Variants in MBNL1 observed in about 807,000 individuals in gnomAD.
The protein encoded by MBNL1 is muscleblind like splicing regulator 1.
A neutral mutation model predicts 42.2 loss-of-function variants in MBNL1; 8 were observed. That is an observed-to-expected ratio of 0.19 (90% CI 0.11 to 0.34). The LOEUF (loss-of-function observed/expected upper bound fraction) is 0.34. Ranked by LOEUF, MBNL1 falls within the 10% of genes least tolerant of loss-of-function variation. The probability of loss-of-function intolerance (pLI) is 1.00; values close to 1 mark genes in which losing one functional copy is unlikely to be tolerated. For synonymous variants in MBNL1, 169 were observed against 173.9 expected (o/e 0.97, Z 0.22); for missense variants, 309 against 495.3 (o/e 0.62, Z 3.57).
chr3:152,405,937 T>A (rs989850762), intron 2 of MBNL1, among the ~76,000 whole-genome samples: 3 of 152,158 alleles, frequency 2.0e-5, no homozygotes, highest in Admixed American at 6.6e-5. Flanking sequence ...GAAATCTGAT[T>A]GTTGCTGTAC....
At position 152,415,010 on chromosome 3, in the gene MBNL1, A is replaced by C; in HGVS notation, c.244A>C (p.Asn82His). Residue 82 changes from asparagine (N) to histidine (H), a missense_variant, in exon 3 of 10, where the codon AAT (asparagine) becomes CAT (histidine). Transcript: ENST00000324210. The stretch of plus-strand genomic sequence containing the variant: ...ACATTTAAAAACGCAGTTGGAGATA[A>C]ATGGACGCAATAACTTGATTCAGCA... Reference protein sequence around the residue: ...PPHLKTQLEINGRNNLIQQKN... With the variant: ...PPHLKTQLEIHGRNNLIQQKN... 1 of 1,608,938 alleles carries C rather than the reference A, an allele frequency of 6.2e-7. No individual in the cohort carries two copies.
intron 1 of MBNL1, among the ~76,000 whole-genome samples, chr3:152,291,225 G>C (rs912012284): frequency 1.3e-5 from 2 of 152,058 alleles, no homozygotes; most frequent in South Asian, 2.1e-4. Context: ...TCTTTGAATA[G>C]CATCAGAAAA....
intron 8 of MBNL1, chr3:152,457,758 C>T (rs1736607621): frequency 5.3e-6 from 1 of 188,464 alleles, no homozygotes. Context: ...TGATAAAGAA[C>T]TCTCATGCGT....
intron 2 of MBNL1, among the ~76,000 whole-genome samples, chr3:152,380,981 TA>T (rs2097157020): frequency 6.6e-6 from 1 of 152,056 alleles, no homozygotes; most frequent in South Asian, 2.1e-4. Context: ...ACACAGTTAA[TA>T]AAACAGAAGG....
intron 1 of MBNL1, among the ~76,000 whole-genome samples, chr3:152,293,731 A>G (rs2057245281): frequency 1.3e-5 from 2 of 152,196 alleles, no homozygotes; most frequent in African/African-American, 4.8e-5. Flanking sequence ...AAATTCTTCA[A>G]AATTACCAGC....
chr3:152,283,323 G>A lies in MBNL1; in HGVS notation c.-790+14231G>A, dbSNP rs568446993. 2.6e-5 allele frequency among the ~76,000 whole-genome samples: 4 copies of A among 152,180 alleles called. No homozygotes were observed. The South Asian group carries it at 6.2e-4, about 24-fold the overall frequency. ...CAAATGTTACTTTAATTTTATTTAC[G>A]TGTGATATATACCCCATCAAGCTTA... On this transcript the variant is annotated intron_variant, in intron 1 of 9. Coordinates refer to ENST00000324210, the MANE Select transcript of MBNL1 (RefSeq NM_021038.5).
At chr3:152,430,581 T>C (rs1354019251) in intron 3 of MBNL1, among the ~76,000 whole-genome samples, 3 of 152,236 alleles carry the variant, frequency 2.0e-5, no homozygotes, top group African/African-American at 7.2e-5. Flanking sequence ...AATCTGACAA[T>C]GTATAACAAA....
At chr3:152,433,457 A>G (rs969853852) in intron 4 of MBNL1, among the ~76,000 whole-genome samples, 1 of 152,174 alleles carries the variant, frequency 6.6e-6, no homozygotes, top group African/African-American at 2.4e-5. Context: ...TGCTCTCATA[A>G]AAGTTTTTTG....
chr3:152,265,554 G>A (rs1226302070), upstream of MBNL1: 1 of 152,058 alleles, frequency 6.6e-6, no homozygotes, highest in Admixed American at 6.6e-5. Flanking sequence ...ATCCCCATTG[G>A]ACTGAAAAAG....
intron 2 of MBNL1, among the ~76,000 whole-genome samples, chr3:152,303,004 G>A (rs1440694028): frequency 7.2e-6 from 1 of 139,788 alleles, no homozygotes; most frequent in Non-Finnish European, 1.5e-5. Flanking sequence ...CTAGTTAGAA[G>A]AGGAGAATTT....
intron 2 of MBNL1, among the ~76,000 whole-genome samples, chr3:152,324,784 C>T (rs2078494283): frequency 6.6e-6 from 1 of 151,974 alleles, no homozygotes; most frequent in Non-Finnish European, 1.5e-5. Flanking sequence ...CCCAAATGTC[C>T]TTATCTGTAA....
intron 3 of MBNL1, among the ~76,000 whole-genome samples, chr3:152,416,874 A>C (rs1337363583): frequency 1.3e-5 from 2 of 152,228 alleles, no homozygotes; most frequent in Non-Finnish European, 2.9e-5. Flanking sequence ...GAGAACAATC[A>C]TCACATTTTC....
intron 2 of MBNL1, among the ~76,000 whole-genome samples, chr3:152,261,114 C>T (rs1397257606): frequency 6.6e-6 from 1 of 152,114 alleles, no homozygotes; most frequent in Non-Finnish European, 1.5e-5. Flanking sequence ...AAGAAGCTGG[C>T]AACCTTGGCT....
intron 2 of MBNL1, among the ~76,000 whole-genome samples, chr3:152,316,821 T>C (rs2152285664): frequency 6.6e-6 from 1 of 152,328 alleles, no homozygotes; most frequent in Admixed American, 6.5e-5. Flanking sequence ...CAGATAGAGC[T>C]GGCTTTGCCT....
At chr3:152,369,055 G>A (rs772785199) in intron 2 of MBNL1, among the ~76,000 whole-genome samples, 8 of 152,194 alleles carry the variant, frequency 5.3e-5, no homozygotes, top group South Asian at 2.1e-4. Flanking sequence ...ATGCTGAATA[G>A]GAGTGGTAAG....
At chr3:152,300,762 T>G (rs2060401166) in intron 2 of MBNL1, 1 of 164,598 alleles carries the variant, frequency 6.1e-6, no homozygotes, top group Non-Finnish European at 1.3e-5. Context: ...GGTAAAGGCA[T>G]TGTACAGTTG....
At chr3:152,289,783 A>G (rs202044709) in intron 1 of MBNL1, among the ~76,000 whole-genome samples, 3 of 152,128 alleles carry the variant, frequency 2.0e-5, no homozygotes, top group Non-Finnish European at 2.9e-5. Flanking sequence ...TGTAGCACCT[A>G]TGTGGCTTGA....
chr3:152,447,856 T>C, intron 6 of MBNL1, 83 bp downstream of exon 6: 1 of 1,306,112 alleles, frequency 7.7e-7, no homozygotes, highest in East Asian at 2.4e-5. Flanking sequence ...ACACCCCAAG[T>C]TTGTTTGTAA....
intron 5 of MBNL1, 69 bp downstream of exon 5, chr3:152,445,608 A>G (rs1294866829): frequency 1.4e-6 from 2 of 1,477,914 alleles, no homozygotes; most frequent in Non-Finnish European, 9.1e-7. Context: ...ATATCTGACT[A>G]CAAGCTATTC....
Sources: allele counts gnomAD v4.1 joint callset (sites outside exome capture counted in the v4.1 genomes callset), GRCh38; gene constraint gnomAD v4.1.1; transcripts MANE v1.5; gene names NCBI Gene and HGNC (gene_info 2026-07-23, HGNC 2026-07-21).